PMPCB: variants seen among roughly 807,000 people sequenced by gnomAD.
The protein encoded by PMPCB is peptidase, mitochondrial processing subunit beta.
PMPCB carries 46 observed loss-of-function variants against 61.5 expected under a neutral mutation model. The ratio of observed to expected loss-of-function variants is 0.75; its 90% CI spans 0.59 to 0.96. The LOEUF is 0.96. Ranked by LOEUF, PMPCB falls within the 40% of genes least tolerant of loss-of-function variation. PMPCB has a pLI of 0.00. For missense variants in PMPCB, 590 were observed against 602.4 expected, an observed-to-expected ratio of 0.98 and a Z score of 0.22; for synonymous variants, 191 against 201.6, an observed-to-expected ratio of 0.95 and a Z score of 0.44.
chr7:103,309,126 CAGAT>C, intron 8 of PMPCB, 31 bp downstream of exon 8: 1 of 1,533,214 alleles, frequency 6.5e-7, no homozygotes, highest in Non-Finnish European at 8.9e-7. Flanking sequence ...TTTTCCATAA[CAGAT>C]GGAAGATTAT....
intron 12 of PMPCB, chr7:103,322,697 A>G (rs763642068): frequency 1.9e-6 from 3 of 1,612,614 alleles, no homozygotes; most frequent in South Asian, 2.2e-5. Flanking sequence ...AATCAATTCT[A>G]CTTACCAACT....
the PMPCB span, among the ~76,000 whole-genome samples, chr7:103,339,039 A>G: frequency 6.6e-6 from 1 of 152,384 alleles, no homozygotes; most frequent in Non-Finnish European, 1.5e-5. Flanking sequence ...GATTTAAAAA[A>G]TAAACAAACA....
chr7:103,331,450 G>A (rs1214249577), downstream of PMPCB, among the ~76,000 whole-genome samples: 1 of 152,028 alleles, frequency 6.6e-6, no homozygotes, highest in Non-Finnish European at 1.5e-5. Context: ...AGAACACTGG[G>A]ACTTATTCCT....
chr7:103,326,737 T>C, intron 12 of PMPCB: 2 of 1,521,718 alleles, frequency 1.3e-6, no homozygotes, highest in Non-Finnish European at 8.9e-7. Flanking sequence ...TATTTTTTCC[T>C]GCAAGAAAAC....
intron 4 of PMPCB, 122 bp downstream of exon 4, chr7:103,300,429 G>A (rs925264105): frequency 1.6e-5 from 11 of 689,186 alleles, no homozygotes; most frequent in Non-Finnish European, 1.6e-5. Context: ...AAGCGAAACT[G>A]AATTCTGGGT....
intron 2 of PMPCB, 106 bp downstream of exon 2, chr7:103,298,814 C>A: frequency 9.4e-7 from 1 of 1,064,674 alleles, no homozygotes; most frequent in Non-Finnish European, 1.4e-6. Context: ...AAAAGGGTGA[C>A]AGTTATTTTG....
intron 6 of PMPCB, among the ~76,000 whole-genome samples, chr7:103,306,173 T>C (rs956936268): frequency 1.3e-5 from 2 of 152,212 alleles, no homozygotes; most frequent in Middle Eastern, 3.2e-3. Context: ...CATCAGGATG[T>C]ATAGCTTTTA....
chr7:103,344,634 G>A, the PMPCB span: 15 of 1,607,432 alleles, frequency 9.3e-6, no homozygotes, highest in Non-Finnish European at 1.3e-5. Flanking sequence ...ATGGCGCCGG[G>A]TCTAGCCCGG....
intron 3 of PMPCB, 38 bp from the exon 4 acceptor site, chr7:103,300,140 G>C: frequency 6.3e-7 from 1 of 1,579,140 alleles, no homozygotes; most frequent in Non-Finnish European, 8.7e-7. Context: ...AAGTATAAAG[G>C]GAGTTTGCAT....
At chr7:103,339,725 C>T in the PMPCB span, among the ~76,000 whole-genome samples, 1 of 152,206 alleles carries the variant, frequency 6.6e-6, no homozygotes, top group Non-Finnish European at 1.5e-5. Flanking sequence ...TTTCAGCCTC[C>T]TGAGTAGCTG....
At chr7:103,328,909 A>C in intron 12 of PMPCB, 1 of 811,562 alleles carries the variant, frequency 1.2e-6, no homozygotes, top group South Asian at 1.6e-5. Context: ...GTTTTTCCTT[A>C]TTTAGGATTC....
At chr7:103,321,862 A>C in intron 12 of PMPCB, 1 of 1,529,356 alleles carries the variant, frequency 6.5e-7, no homozygotes, top group Admixed American at 1.8e-5. Context: ...ACAAACAAAC[A>C]AAAAGAAGTA....
At chr7:103,304,065 G>T (rs2115654813) in intron 5 of PMPCB, 25 bp downstream of exon 5, 3 of 1,473,952 alleles carry the variant, frequency 2.0e-6, no homozygotes, top group Non-Finnish European at 2.8e-6. Context: ...ATTTCTTGGT[G>T]TATAAGGGAA....
chr7:103,298,372 G>A (rs1329017351), intron 1 of PMPCB, among the ~76,000 whole-genome samples, 196 bp from the exon 2 acceptor site: 1 of 152,088 alleles, frequency 6.6e-6, no homozygotes, highest in South Asian at 2.1e-4. Flanking sequence ...TTATAAACAC[G>A]TTGCTGGCTT....
chr7:103,341,807 T>C, the PMPCB span: 2 of 1,607,592 alleles, frequency 1.2e-6, no homozygotes, highest in Non-Finnish European at 1.7e-6. Flanking sequence ...GGGAAACTCT[T>C]CCAACTGCAA....
chr7:103,328,312 G>A (rs1487010069), intron 12 of PMPCB, among the ~76,000 whole-genome samples: 1 of 151,862 alleles, frequency 6.6e-6, no homozygotes, highest in Non-Finnish European at 1.5e-5. Context: ...AGACATTTTT[G>A]TTTTCTTAAG....
chr7:103,340,278 T>C, the PMPCB span, among the ~76,000 whole-genome samples: 1 of 152,248 alleles, frequency 6.6e-6, no homozygotes, highest in African/African-American at 2.4e-5. Context: ...TTCTGCTGTT[T>C]TTCCTCCTCT....
intron 8 of PMPCB, 37 bp downstream of exon 8, chr7:103,309,132 G>A (rs1276644669): frequency 6.6e-7 from 1 of 1,523,598 alleles, no homozygotes; most frequent in South Asian, 1.2e-5. Context: ...ATAACAGATG[G>A]AAGATTATCA....
chr7:103,312,438 G>GTCTT lies in PMPCB; in HGVS notation c.*169_*172dup, dbSNP rs1367468963. 1.3e-5 allele frequency: 20 copies of GTCTT among 1,516,932 alleles called. No individual in the cohort carries two copies. The highest frequency in any genetic ancestry group is 1.7e-5 in the Non-Finnish European group (19 of 1,141,342). 94.0% of individuals were successfully genotyped at this position (1,516,932 alleles called of 1,614,324 possible). A position where few individuals can be genotyped will look rare whatever the true frequency, so the allele number is the denominator to read the frequency against. On this transcript the variant is annotated 3_prime_UTR_variant, in exon 13 of 13. Transcript: ENST00000249269. ...GAAGGTTGTTTTGTATTAATGGTCA[G>GTCTT]TCTTTGTTCTCTGAGAAATTATGTT...
Sources: gnomAD v4.1 joint callset for allele counts (sites outside exome capture counted in the v4.1 genomes callset) on GRCh38, gnomAD v4.1.1 for gene constraint, MANE v1.5 for transcripts, NCBI Gene and HGNC (gene_info 2026-07-23, HGNC 2026-07-21) for gene names.